The following GUCY1A2 variants were observed in gnomAD, a reference collection of about 807,000 sequenced individuals.
GUCY1A2 encodes guanylate cyclase 1 soluble subunit alpha 2.
Under a neutral mutation model 63.5 loss-of-function variants are expected in GUCY1A2, and 27 were observed. That is an observed-to-expected ratio of 0.43 (90% CI 0.31 to 0.59). GUCY1A2 has a LOEUF of 0.59. Ranked by LOEUF, GUCY1A2 falls within the 20% of genes least tolerant of loss-of-function variation. The pLI is 0.11. For missense variants in GUCY1A2, 768 were observed against 913.3 expected, an observed-to-expected ratio of 0.84 and a Z score of 2.05; for synonymous variants, 364 against 343.5, an observed-to-expected ratio of 1.06 and a Z score of -0.66.
chr11:106,900,849 T>C (rs954630871), intron 4 of GUCY1A2, among the ~76,000 whole-genome samples: 5 of 152,204 alleles, frequency 3.3e-5, no homozygotes, highest in African/African-American at 1.2e-4. Context: ...AAAATGCTAA[T>C]GATTATCTGA....
At chr11:106,995,371 G>A (rs1014750603) in intron 1 of GUCY1A2, among the ~76,000 whole-genome samples, 1 of 152,194 alleles carries the variant, frequency 6.6e-6, no homozygotes, top group Non-Finnish European at 1.5e-5. Context: ...CACTTAGGTA[G>A]TAAGTGTCTG....
chr11:106,913,983 A>G (rs575094799), intron 4 of GUCY1A2, among the ~76,000 whole-genome samples: 4 of 146,026 alleles, frequency 2.7e-5, no homozygotes, highest in African/African-American at 1.1e-4. Context: ...GGTAATGAAA[A>G]AGCAAAAAAA....
chr11:106,901,526 T>G, intron 4 of GUCY1A2, among the ~76,000 whole-genome samples: 1 of 152,334 alleles, frequency 6.6e-6, no homozygotes, highest in Non-Finnish European at 1.5e-5. Context: ...TAAGTTCTAG[T>G]GTACATGTGC....
chr11:106,926,717 T>C (rs1465775414), intron 4 of GUCY1A2, among the ~76,000 whole-genome samples: 2 of 151,848 alleles, frequency 1.3e-5, no homozygotes, highest in African/African-American at 4.8e-5. Flanking sequence ...AAACCGAGTA[T>C]CGGCAGTGCC....
At chr11:106,828,740 A>G (rs987212905) in intron 4 of GUCY1A2, among the ~76,000 whole-genome samples, 4 of 152,216 alleles carry the variant, frequency 2.6e-5, no homozygotes, top group Non-Finnish European at 4.4e-5. Flanking sequence ...ACAGCCCACC[A>G]TAGACGGCTC....
intron 1 of GUCY1A2, among the ~76,000 whole-genome samples, chr11:106,992,856 A>AG (rs1250244371): frequency 6.6e-6 from 1 of 152,094 alleles, no homozygotes; most frequent in African/African-American, 2.4e-5. Context: ...GTCATCCTCT[A>AG]GCTCACCTTT....
intron 7 of GUCY1A2, among the ~76,000 whole-genome samples, chr11:106,694,061 T>A (rs1216567899): frequency 6.6e-6 from 1 of 152,218 alleles, no homozygotes; most frequent in Non-Finnish European, 1.5e-5. Flanking sequence ...AATTGTAGGT[T>A]TACCCTGACC....
intron 7 of GUCY1A2, among the ~76,000 whole-genome samples, chr11:106,698,863 TTCATTTATTTAATCAG>T (rs1240676182): frequency 6.6e-6 from 1 of 151,776 alleles, no homozygotes; most frequent in Non-Finnish European, 1.5e-5. Context: ...TATTTGGTCA[TTCATTTATTTAATCAG>T]TCAGTAGTGA....
intron 4 of GUCY1A2, among the ~76,000 whole-genome samples, chr11:106,855,148 C>A (rs371865626): frequency 6.6e-6 from 1 of 152,046 alleles, no homozygotes; most frequent in Non-Finnish European, 1.5e-5. Flanking sequence ...GAGTGGGAGC[C>A]AGTGTGAGTT....
chr11:106,974,734 T>C (rs2120106881), intron 3 of GUCY1A2, among the ~76,000 whole-genome samples: 1 of 152,216 alleles, frequency 6.6e-6, no homozygotes, highest in African/African-American at 2.4e-5. Context: ...TGTTACATTT[T>C]TAGAGAAGAT....
At chr11:106,966,104 C>A (rs990841257) in intron 3 of GUCY1A2, among the ~76,000 whole-genome samples, 3 of 151,620 alleles carry the variant, frequency 2.0e-5, no homozygotes, top group Non-Finnish European at 4.4e-5. Context: ...TATTTTTCTT[C>A]TCTTTTCTTT....
chr11:106,826,701 A>T, intron 4 of GUCY1A2: 1 of 1,609,724 alleles, frequency 6.2e-7, no homozygotes, highest in Non-Finnish European at 8.5e-7. Context: ...CCATGTCAAT[A>T]GAGTCTCCTG....
chr11:106,757,676 C>T (rs781604855), intron 6 of GUCY1A2, among the ~76,000 whole-genome samples: 20 of 152,140 alleles, frequency 1.3e-4, no homozygotes, highest in Non-Finnish European at 2.2e-4. Flanking sequence ...GTATCACCAG[C>T]GGAGGCTGCA....
intron 5 of GUCY1A2, among the ~76,000 whole-genome samples, chr11:106,798,781 AT>A (rs1864814763): frequency 6.6e-6 from 1 of 152,106 alleles, no homozygotes; most frequent in Non-Finnish European, 1.5e-5. Context: ...AATAAGAGCT[AT>A]TTATGACAAA....
intron 6 of GUCY1A2, among the ~76,000 whole-genome samples, chr11:106,741,701 C>T (rs1385435233): frequency 6.6e-6 from 1 of 152,128 alleles, no homozygotes; most frequent in Non-Finnish European, 1.5e-5. Context: ...ACTAGCACCA[C>T]CCACATATGG....
chr11:106,948,117 C>T (rs1860855031), intron 3 of GUCY1A2, among the ~76,000 whole-genome samples: 1 of 152,056 alleles, frequency 6.6e-6, no homozygotes, highest in African/African-American at 2.4e-5. Flanking sequence ...TCAAGAAGAA[C>T]CTGAGTTCTG....
intron 6 of GUCY1A2, among the ~76,000 whole-genome samples, chr11:106,709,958 T>C (rs1863065913): frequency 7.7e-6 from 1 of 130,708 alleles, no homozygotes; most frequent in Non-Finnish European, 1.5e-5. Flanking sequence ...TAACATATAG[T>C]TATATATAAT....
At chr11:106,838,799 T>G (rs1449516281) in intron 4 of GUCY1A2, among the ~76,000 whole-genome samples, 1 of 152,128 alleles carries the variant, frequency 6.6e-6, no homozygotes, top group Admixed American at 6.6e-5. Flanking sequence ...TGTCTGTTCA[T>G]ATCCTTCGCC....
At chr11:106,730,958 G>A (rs1401424265) in intron 6 of GUCY1A2, among the ~76,000 whole-genome samples, 1 of 152,012 alleles carries the variant, frequency 6.6e-6, no homozygotes, top group African/African-American at 2.4e-5. Context: ...ACTTTTTAAT[G>A]AAGTTGTTTG....
Sources: gnomAD v4.1 joint callset for allele counts (sites outside exome capture counted in the v4.1 genomes callset) on GRCh38, gnomAD v4.1.1 for gene constraint, MANE v1.5 for transcripts, NCBI Gene and HGNC (gene_info 2026-07-23, HGNC 2026-07-21) for gene names.